NEB: variants seen among roughly 807,000 people sequenced by gnomAD.
NEB encodes the protein nebulin.
Under a neutral mutation model 952.2 loss-of-function variants are expected in NEB, and 512 were observed. The ratio of observed to expected loss-of-function variants is 0.54; its 90% CI spans 0.50 to 0.58. The LOEUF is 0.58. Among genes scored for constraint, NEB ranks in the 20% least tolerant of loss-of-function variants. The pLI, the probability that NEB is intolerant of heterozygous loss-of-function variation, is 0.00. For synonymous variants in NEB, 2,900 were observed against 3,149.8 expected, an observed-to-expected ratio of 0.92 and a Z score of 2.66; for missense variants, 8,428 against 9,231.1, an observed-to-expected ratio of 0.91 and a Z score of 3.56.
intron 9 of NEB, among the ~76,000 whole-genome samples, chr2:151,722,409 C>G (rs1470643080): frequency 1.3e-5 from 2 of 152,170 alleles, no homozygotes; most frequent in Non-Finnish European, 2.9e-5. Flanking sequence ...TTTTCAAGGT[C>G]TAGGATACCA....
intron 10 of NEB, among the ~76,000 whole-genome samples, chr2:151,712,802 G>T (rs2099748842): frequency 6.6e-6 from 1 of 152,064 alleles, no homozygotes; most frequent in South Asian, 2.1e-4. Flanking sequence ...TGAGAGTGAG[G>T]CCAGAGCTTT....
chr2:151,629,452 T>A (rs561682789), intron 68 of NEB, 87 bp downstream of exon 68: 1 of 1,136,308 alleles, frequency 8.8e-7, no homozygotes, highest in African/African-American at 1.5e-5. Context: ...TAAATGTGCT[T>A]AAACTGGCCC....
intron 84 of NEB, 139 bp from the exon 85 acceptor site, chr2:151,605,010 G>A: frequency 1.0e-6 from 1 of 953,664 alleles, no homozygotes; most frequent in South Asian, 1.7e-5. Context: ...ACATATTTCA[G>A]TTCACTTTAA....
At chr2:151,501,551 AAAAC>A in intron 167 of NEB, 68 bp from the exon 168 acceptor site, 1 of 801,372 alleles carries the variant, frequency 1.2e-6, no homozygotes, top group Non-Finnish European at 1.8e-6. Flanking sequence ...TTAACCTAAA[AAAAC>A]AGCCTAAAAG....
At chr2:151,563,328 CT>C (rs1339026516) in intron 119 of NEB, among the ~76,000 whole-genome samples, 7 of 152,124 alleles carry the variant, frequency 4.6e-5, no homozygotes, top group Non-Finnish European at 5.9e-5. Flanking sequence ...GTTTTCCATC[CT>C]TTTATAACAC....
intron 107 of NEB, among the ~76,000 whole-genome samples, chr2:151,574,722 T>TTTTATTTATTTATTTATTTATTTA (rs10529317): frequency 0.056 from 8,204 of 147,744 alleles, 333 homozygotes; most frequent in Non-Finnish European, 0.082. Flanking sequence ...ACAGTTTAAA[T>TTTTATTTATTTATTTATTTATTTA]TTTATTTATT....
intron 13 of NEB, 72 bp downstream of exon 13, chr2:151,706,809 G>A: frequency 9.5e-7 from 1 of 1,047,948 alleles, no homozygotes; most frequent in South Asian, 1.4e-5. Flanking sequence ...TATTCATTTA[G>A]TCATTAAAGG....
rs776901279 is a variant in NEB, at chr2:151,497,618, C to T, written c.24300+8G>A. ...ATAAGTAGTTTTTTTCTTTTCTTGC[C>T]AAAGTACCGAGCTAATATTTTCTTG... is the stretch of plus-strand genomic sequence containing the variant. On this transcript the variant is annotated splice_region_variant and intron_variant, in intron 171 of 181. Coordinates refer to ENST00000397345, the MANE Select transcript of NEB (RefSeq NM_001164508.2). 1.9e-6 allele frequency: 3 copies of T among 1,562,832 alleles called. No homozygotes were observed. The highest frequency in any genetic ancestry group is 2.4e-5 in the South Asian group (2 of 84,168).
In NEB at chr2:151,540,949, C is replaced by T. The variant is rs759048997; in HGVS notation, c.20683-148G>A. The T allele has an allele frequency of 4.0e-5, 27 of 675,100 alleles. 1 individual carries two copies. The highest frequency in any genetic ancestry group is 7.2e-5 in the African/African-American group (4 of 55,228). 41.8% of individuals were successfully genotyped at this position (675,100 alleles called of 1,614,324 possible). On this transcript the variant is annotated intron_variant, in intron 136 of 181. Coordinates refer to ENST00000397345, the MANE Select transcript of NEB (RefSeq NM_001164508.2). ...TGTTTGCTTGTTTTTTTGTTATATGCGTTTCTGTTCATTTGTTTCTCTGTG... is the reference window on the plus strand; with the variant it reads ...TGTTTGCTTGTTTTTTTGTTATATGTGTTTCTGTTCATTTGTTTCTCTGTG...
intron 6 of NEB, 101 bp from the exon 7 acceptor site, chr2:151,725,062 G>A: frequency 1.2e-6 from 1 of 853,940 alleles, no homozygotes; most frequent in Admixed American, 2.2e-5. Flanking sequence ...ATGACTCTAG[G>A]TCTGCATCAC....
At chr2:151,489,901 T>A in intron 181 of NEB, 70 bp downstream of exon 181, 1 of 1,217,172 alleles carries the variant, frequency 8.2e-7, no homozygotes, top group Non-Finnish European at 1.2e-6. Context: ...TAATACCTAA[T>A]ACTTATAATC....
intron 45 of NEB, among the ~76,000 whole-genome samples, chr2:151,663,256 C>T (rs2099167252): frequency 6.6e-6 from 1 of 152,148 alleles, no homozygotes; most frequent in Non-Finnish European, 1.5e-5. Flanking sequence ...ACCATCTTTG[C>T]TAGACATATT....
rs1162289427 is a variant in NEB at position 151,725,449 on chromosome 2, C to A, written c.402+4G>T. ...CTCTCCTTTATTTCAGCAATGCAGC[C>A]CACCTCACTGAGTTGATCTTGTACT... On this transcript the variant is annotated splice_donor_region_variant and intron_variant, in intron 6 of 181. Coordinates refer to ENST00000397345, the MANE Select transcript of NEB (RefSeq NM_001164508.2). The A allele has an allele frequency of 1.2e-6, 2 of 1,610,020 alleles. No individual in the cohort carries two copies. The highest frequency in any genetic ancestry group is 1.3e-5 in the African/African-American group (1 of 74,778).
At chr2:151,490,345 G>A in intron 180 of NEB, 27 bp downstream of exon 180, 1 of 1,578,552 alleles carries the variant, frequency 6.3e-7, no homozygotes, top group African/African-American at 1.3e-5. Flanking sequence ...GGGTGGGACT[G>A]CCAAAATCAG....
At chr2:151,703,115 A>C (rs1490841888) in intron 13 of NEB, among the ~76,000 whole-genome samples, 1 of 146,998 alleles carries the variant, frequency 6.8e-6, no homozygotes, top group African/African-American at 2.5e-5. Flanking sequence ...TCCTTCACTT[A>C]TGAAGCTTAG....
intron 141 of NEB, among the ~76,000 whole-genome samples, chr2:151,536,208 A>C (rs1416797033): frequency 6.6e-6 from 1 of 152,212 alleles, no homozygotes; most frequent in Non-Finnish European, 1.5e-5. Flanking sequence ...AACCCAGCCA[A>C]GCTAACACAT....
chr2:151,644,454 G>C lies in NEB; in HGVS notation c.7644+14C>G. On this transcript the variant is annotated intron_variant, in intron 56 of 181. Coordinates refer to ENST00000397345, the MANE Select transcript of NEB (RefSeq NM_001164508.2). The stretch of plus-strand genomic sequence containing the variant: ...TTGCAATCAAATCAATATCAACAGA[G>C]GATAAAATCTTACTTCACTGGCAAT... 6.3e-7 allele frequency: 1 copy of C among 1,590,432 alleles called. No individual in the cohort carries two copies. The highest frequency in any genetic ancestry group is 1.1e-5 in the South Asian group (1 of 90,538).
In NEB at chr2:151,690,763, C is replaced by T; in HGVS notation, c.2274G>A (p.Leu758=). 1 of 1,599,382 alleles carries T rather than the reference C, an allele frequency of 6.3e-7. No individual in the cohort carries two copies. The highest frequency in any genetic ancestry group is 1.7e-4 in the Middle Eastern group (1 of 6,044). The change falls in exon 24 of 182, where the codon CTG becomes CTA. Residue 758 remains leucine, a synonymous_variant. Coordinates refer to ENST00000397345, the MANE Select transcript of NEB (RefSeq NM_001164508.2). ...GTTTCGTGTTGAGCTGGGCTTGCAA[C>T]AGTACAGGAGAATCAGTGACTGCCG... ...KFTAVTDSPV[L]LQAQLNTKQL...
chr2:151,697,501 GGGT>G, intron 14 of NEB, 40 bp downstream of exon 14: 1 of 1,604,096 alleles, frequency 6.2e-7, no homozygotes, highest in East Asian at 2.2e-5. Flanking sequence ...GTGAAATAAT[GGGT>G]TCTTTTTTTA....
Sources: gnomAD v4.1 joint callset for allele counts (sites outside exome capture counted in the v4.1 genomes callset) on GRCh38, gnomAD v4.1.1 for gene constraint, MANE v1.5 for transcripts, NCBI Gene and HGNC (gene_info 2026-07-23, HGNC 2026-07-21) for gene names.